The following ZNF438 variants were observed in gnomAD, a reference collection of about 807,000 sequenced individuals.
ZNF438 encodes zinc finger protein 438.
ZNF438 carries 25 observed loss-of-function variants against 38.0 expected under a neutral mutation model. That is an observed-to-expected ratio of 0.66 (90% CI 0.48 to 0.92). ZNF438 has a LOEUF of 0.92. Ranked by LOEUF, ZNF438 falls within the 40% of genes least tolerant of loss-of-function variation. ZNF438 has a pLI of 0.00. For missense variants in ZNF438, 1,007 were observed against 999.6 expected (o/e 1.01, Z -0.10); for synonymous variants, 372 against 364.1 (o/e 1.02, Z -0.25).
chr10:30,861,195 C>T (rs374432191), intron 4 of ZNF438, among the ~76,000 whole-genome samples: 1 of 152,154 alleles, frequency 6.6e-6, no homozygotes, highest in South Asian at 2.1e-4. Context: ...TGCACATAAC[C>T]TATGCATACC....
chr10:30,967,783 G>C, intron 1 of ZNF438, among the ~76,000 whole-genome samples: 1 of 152,114 alleles, frequency 6.6e-6, no homozygotes, highest in South Asian at 2.1e-4. Flanking sequence ...GACACACTTG[G>C]CCAGTGCAAG....
intron 4 of ZNF438, among the ~76,000 whole-genome samples, chr10:30,868,272 T>C (rs1300270085): frequency 6.6e-6 from 1 of 152,120 alleles, no homozygotes; most frequent in African/African-American, 2.4e-5. Flanking sequence ...GGTTTCACTA[T>C]GTTGGATAGG....
chr10:30,874,114 G>GTGTATATA (rs1257613270), intron 4 of ZNF438, among the ~76,000 whole-genome samples: 12 of 80,248 alleles, frequency 1.5e-4, no homozygotes, highest in South Asian at 3.9e-4. Flanking sequence ...GTGTGTGTGT[G>GTGTATATA]TATATATATA....
At chr10:30,954,078 G>T (rs921156588) in intron 1 of ZNF438, among the ~76,000 whole-genome samples, 1 of 152,092 alleles carries the variant, frequency 6.6e-6, no homozygotes, top group Non-Finnish European at 1.5e-5. Flanking sequence ...GGGATGTGGA[G>T]GTTGCATTGA....
chr10:30,998,137 G>C (rs557585699), intron 1 of ZNF438, among the ~76,000 whole-genome samples: 6 of 152,220 alleles, frequency 3.9e-5, no homozygotes, highest in African/African-American at 1.4e-4. Flanking sequence ...TTGGAGATAA[G>C]GGAATTTGAG....
intron 1 of ZNF438, among the ~76,000 whole-genome samples, chr10:30,999,951 T>A (rs1425612807): frequency 6.6e-6 from 1 of 152,224 alleles, no homozygotes; most frequent in Non-Finnish European, 1.5e-5. Context: ...TTTCTTTATT[T>A]GTCTTTTTAG....
intron 2 of ZNF438, among the ~76,000 whole-genome samples, chr10:30,922,331 C>T (rs1483943640): frequency 6.6e-6 from 1 of 152,110 alleles, no homozygotes; most frequent in Non-Finnish European, 1.5e-5. Flanking sequence ...TGATGGTTGT[C>T]ATGGAGGCAT....
At chr10:31,012,263 A>G (rs2133102292) in intron 1 of ZNF438, among the ~76,000 whole-genome samples, 1 of 151,886 alleles carries the variant, frequency 6.6e-6, no homozygotes, top group Non-Finnish European at 1.5e-5. Context: ...AGCTGGGACT[A>G]CAGGCACCCG....
chr10:30,936,468 G>A (rs1206910622), intron 2 of ZNF438, among the ~76,000 whole-genome samples: 1 of 152,192 alleles, frequency 6.6e-6, no homozygotes, highest in Non-Finnish European at 1.5e-5. Flanking sequence ...GAGGTCAGGA[G>A]TTCAAGACCA....
chr10:31,000,090 G>T (rs1432353798), intron 1 of ZNF438, among the ~76,000 whole-genome samples: 4 of 152,046 alleles, frequency 2.6e-5, no homozygotes, highest in African/African-American at 9.7e-5. Context: ...TCCCAAATTT[G>T]TGTCTCTATG....
At chr10:30,867,389 T>C (rs954145836) in intron 4 of ZNF438, among the ~76,000 whole-genome samples, 1 of 152,208 alleles carries the variant, frequency 6.6e-6, no homozygotes, top group South Asian at 2.1e-4. Flanking sequence ...ATTAGTTTTA[T>C]AGTATAGTCA....
At chr10:30,926,114 T>G (rs1238730213) in intron 2 of ZNF438, among the ~76,000 whole-genome samples, 1 of 152,114 alleles carries the variant, frequency 6.6e-6, no homozygotes. Context: ...GAAAAAGTGG[T>G]TGCCTCCAGA....
chr10:30,885,285 T>C (rs2039810088), intron 3 of ZNF438, among the ~76,000 whole-genome samples: 1 of 152,228 alleles, frequency 6.6e-6, no homozygotes, highest in African/African-American at 2.4e-5. Context: ...AGCTGCTCTT[T>C]TGACAGGCCG....
intron 4 of ZNF438, among the ~76,000 whole-genome samples, chr10:30,853,539 A>T (rs575698891): frequency 6.6e-6 from 1 of 151,788 alleles, no homozygotes; most frequent in Admixed American, 6.6e-5. Flanking sequence ...CACCCAAGAC[A>T]CTCTTCCCTC....
At chr10:30,883,668 G>A (rs2133852914) in intron 3 of ZNF438, among the ~76,000 whole-genome samples, 1 of 152,200 alleles carries the variant, frequency 6.6e-6, no homozygotes, top group East Asian at 1.9e-4. Context: ...CCCAGAGTTT[G>A]AGACCAGCCT....
intron 1 of ZNF438, among the ~76,000 whole-genome samples, chr10:31,011,239 CTG>C (rs2055672762): frequency 6.6e-6 from 1 of 152,210 alleles, no homozygotes; most frequent in South Asian, 2.1e-4. Flanking sequence ...CTTTTCCACA[CTG>C]TGAGCTGGCA....
exon 5 of ZNF438, chr10:30,849,785 A>G: frequency 1.2e-6 from 2 of 1,613,890 alleles, no homozygotes; most frequent in Non-Finnish European, 1.7e-6. Context: ...GGTGTTGGTC[A>G]CTGGTGGTCT....
intron 4 of ZNF438, among the ~76,000 whole-genome samples, chr10:30,865,867 G>A (rs1041413827): frequency 6.6e-6 from 1 of 152,230 alleles, no homozygotes; most frequent in Admixed American, 6.5e-5. Context: ...TCTTTAGCAA[G>A]AGGGGATTAG....
intron 4 of ZNF438, among the ~76,000 whole-genome samples, chr10:30,853,007 T>A (rs975355379): frequency 1.3e-5 from 2 of 152,062 alleles, no homozygotes; most frequent in African/African-American, 4.8e-5. Context: ...AAGTCATAAA[T>A]AAACACTTTA....
Sources: allele counts gnomAD v4.1 joint callset (sites outside exome capture counted in the v4.1 genomes callset), GRCh38; gene constraint gnomAD v4.1.1; transcripts MANE v1.5; gene names NCBI Gene and HGNC (gene_info 2026-07-23, HGNC 2026-07-21).